The following ESS2 variants were observed in gnomAD, a reference collection of about 807,000 sequenced individuals.
ESS2 encodes the protein splicing factor ESS-2 homolog.
Under a neutral mutation model 52.0 loss-of-function variants are expected in ESS2, and 31 were observed. The ratio of observed to expected loss-of-function variants is 0.60; its 90% CI spans 0.45 to 0.81. The LOEUF (loss-of-function observed/expected upper bound fraction) is 0.81. Ranked by LOEUF, ESS2 falls within the 30% of genes least tolerant of loss-of-function variation. The probability of loss-of-function intolerance (pLI) is 0.00; values close to 1 mark genes in which losing one functional copy is unlikely to be tolerated. For synonymous variants in ESS2, 285 were observed against 259.2 expected (o/e 1.10, Z -0.95); for missense variants, 602 against 637.2 (o/e 0.94, Z 0.59).
intron 3 of ESS2, among the ~76,000 whole-genome samples, chr22:19,140,699 G>A (rs2083671594): frequency 6.6e-6 from 1 of 152,200 alleles, no homozygotes; most frequent in African/African-American, 2.4e-5. Context: ...GCCACCTGGA[G>A]AGCTCTGCCT....
Position 19,139,964 on chromosome 22 carries a change from C to G in ESS2, c.461G>C (p.Arg154Pro), listed in dbSNP as rs749669668. The change falls in exon 4 of 10, where the codon CGC (arginine) becomes CCC (proline). Residue 154 changes from arginine (R) to proline (P), a missense_variant. Physicochemically the swap from Arg to Pro is moderately radical, Grantham distance 103 (BLOSUM62 -2). Coordinates refer to ENST00000252137, the MANE Select transcript of ESS2 (RefSeq NM_022719.3). Reference protein sequence around the residue: ...PLPSLDVFLSRYTSEDNASFQ... With the variant: ...PLPSLDVFLSPYTSEDNASFQ... The stretch of plus-strand genomic sequence containing the variant: ...GGAGGCATTGTCCTCACTCGTGTAG[C>G]GGCTCAGGAAGACATCTAGGCTGGG... The G allele has an allele frequency of 6.2e-7, 1 of 1,613,996 alleles. No individual in the cohort carries two copies. Among genetic ancestry groups the G allele is most frequent in the East Asian group, 2.2e-5 (1 of 44,892 alleles).
In ESS2 at chr22:19,144,502, G is replaced by C; in HGVS notation, c.135+4C>G. On this transcript the variant is annotated splice_donor_region_variant and intron_variant, in intron 1 of 9. Coordinates refer to ENST00000252137, the MANE Select transcript of ESS2 (RefSeq NM_022719.3). ...AGTCGCCGGCGTCCGCACCGAGGTCGTACCTCGATATACTCTTCCTCGTCC... is the reference window on the plus strand; with the variant it reads ...AGTCGCCGGCGTCCGCACCGAGGTCCTACCTCGATATACTCTTCCTCGTCC... 1.9e-6 allele frequency: 3 copies of C among 1,610,990 alleles called. No homozygotes were observed. The highest frequency in any genetic ancestry group is 2.2e-5 in the South Asian group (2 of 91,020).
chr22:19,142,463 C>T, intron 3 of ESS2, 75 bp downstream of exon 3: 2 of 1,373,628 alleles, frequency 1.5e-6, no homozygotes, highest in Non-Finnish European at 2.0e-6. Flanking sequence ...CTCTGGACCA[C>T]CCCCTCAGGG....
At chr22:19,139,463 T>C in intron 5 of ESS2, 149 bp downstream of exon 5, 1 of 1,201,576 alleles carries the variant, frequency 8.3e-7, no homozygotes, top group Non-Finnish European at 1.2e-6. Flanking sequence ...CACACAGACC[T>C]GTCCACCCTT....
intron 8 of ESS2, among the ~76,000 whole-genome samples, 193 bp from the exon 9 acceptor site, chr22:19,135,368 T>C (rs2083563988): frequency 6.6e-6 from 1 of 152,220 alleles, no homozygotes; most frequent in South Asian, 2.1e-4. Flanking sequence ...GCAGCACTCC[T>C]CACCTGTCTT....
intron 1 of ESS2, chr22:19,143,908 A>C: frequency 6.3e-6 from 2 of 318,266 alleles, no homozygotes; most frequent in Non-Finnish European, 9.1e-6. Flanking sequence ...TCAGCCAGTC[A>C]CTACCACAAG....
rs115188828 is a variant in ESS2 at position 19,130,489 on chromosome 22, C to T, written c.*3707G>A. On this transcript the variant is annotated 3_prime_UTR_variant, in exon 10 of 10. Coordinates refer to ENST00000252137, the MANE Select transcript of ESS2 (RefSeq NM_022719.3). ...AGGCAAAAAAAATGCTTGCTAAGTC[C>T]GATTAAAAGGGGCCCAGTGCCTTCA... 30 of 323,934 alleles carry T rather than the reference C, an allele frequency of 9.3e-5. No individual in the cohort carries two copies. Among genetic ancestry groups the T allele is most frequent in the Non-Finnish European group, 1.4e-4 (23 of 169,422 alleles). The allele number at this position is 323,934 out of a possible 1,614,324, so 20.1% of individuals were successfully genotyped here. A position where few individuals can be genotyped will look rare whatever the true frequency, so the allele number is the denominator to read the frequency against.
chr22:19,137,715 C>A (rs1329757034), intron 7 of ESS2: 1 of 984,494 alleles, frequency 1.0e-6, no homozygotes, highest in Non-Finnish European at 1.2e-6. Context: ...GACACTCAGG[C>A]CTTCCAGGGC....
intron 7 of ESS2, chr22:19,137,936 A>AC (rs2083612485): frequency 1.0e-6 from 1 of 985,142 alleles, no homozygotes; most frequent in Non-Finnish European, 1.2e-6. Context: ...CTGTGCACAC[A>AC]CCCCCACCCA....
intron 3 of ESS2, among the ~76,000 whole-genome samples, chr22:19,142,269 G>T (rs74522356): frequency 6.6e-6 from 1 of 152,216 alleles, no homozygotes. Flanking sequence ...CATCCATGAA[G>T]CCCACAGGGC....
In ESS2 at chr22:19,131,325, T is replaced by C. The variant is rs1194043038; in HGVS notation, c.*2871A>G. The stretch of plus-strand genomic sequence containing the variant: ...GCCCAGCCAGACGCCTCCGGTAGTG[T>C]AAATGAGGACAATGCCTGCTGGCCC... On this transcript the variant is annotated 3_prime_UTR_variant, in exon 10 of 10. Coordinates refer to ENST00000252137, the MANE Select transcript of ESS2 (RefSeq NM_022719.3). This position sits in a 1 kb window ranked among gnomAD's most constrained non-coding sequence, Gnocchi z 5.7. 7.3e-7 allele frequency: 1 copy of C among 1,368,192 alleles called. No homozygotes were observed. 84.8% of individuals were successfully genotyped at this position (1,368,192 alleles called of 1,614,324 possible).
chr22:19,136,066 A>G (rs79906307), intron 8 of ESS2, among the ~76,000 whole-genome samples: 4,669 of 146,600 alleles, frequency 0.032, 161 homozygotes, highest in East Asian at 0.064. Flanking sequence ...GAGGCGAGGC[A>G]CAGTGGCTCA....
intron 7 of ESS2, chr22:19,137,833 C>G (rs971439056): frequency 4.1e-6 from 4 of 985,420 alleles, no homozygotes; most frequent in Non-Finnish European, 4.8e-6. Flanking sequence ...CAGAGGGACA[C>G]CCACGCATGC....
At chr22:19,144,171 C>A in intron 1 of ESS2, 1 of 1,096,680 alleles carries the variant, frequency 9.1e-7, no homozygotes, top group Non-Finnish European at 1.1e-6. Context: ...CCCCAGCATT[C>A]ACACTTGCTG....
chr22:19,137,536 G>T, intron 7 of ESS2, 104 bp from the exon 8 acceptor site: 1 of 994,342 alleles, frequency 1.0e-6, no homozygotes, highest in Non-Finnish European at 1.5e-6. Flanking sequence ...CTAATACGAA[G>T]GCAGGCAGCT....
chr22:19,144,453 C>A, intron 1 of ESS2, 53 bp downstream of exon 1: 3 of 1,609,294 alleles, frequency 1.9e-6, no homozygotes, highest in Non-Finnish European at 2.5e-6. Flanking sequence ...CTGAGAGGAG[C>A]TTGAAGCAGA....
In ESS2 at chr22:19,131,555, T is replaced by C; in HGVS notation, c.*2641A>G. On this transcript the variant is annotated 3_prime_UTR_variant, in exon 10 of 10. Coordinates refer to ENST00000252137, the MANE Select transcript of ESS2 (RefSeq NM_022719.3). The surrounding 1 kb of genome is among the most constrained non-coding windows in gnomAD (Gnocchi z 5.7). ...ACCGCAAGAAAACACCTACTGACTTTGTGGAGAGATTCCTTCCTCGGGAGA... is the reference window on the plus strand; with the variant it reads ...ACCGCAAGAAAACACCTACTGACTTCGTGGAGAGATTCCTTCCTCGGGAGA... 6.2e-7 allele frequency: 1 copy of C among 1,614,140 alleles called. No individual in the cohort carries two copies. Among genetic ancestry groups the C allele is most frequent in the Middle Eastern group, 1.6e-4 (1 of 6,062 alleles).
At chr22:19,139,562 C>G (rs766923410) in intron 5 of ESS2, 50 bp downstream of exon 5, 1 of 1,551,698 alleles carries the variant, frequency 6.4e-7, no homozygotes, top group East Asian at 2.2e-5. Flanking sequence ...GCCAGACACA[C>G]ACAGCTCTAC....
intron 1 of ESS2, 77 bp from the exon 2 acceptor site, chr22:19,142,971 C>A: frequency 7.1e-7 from 1 of 1,404,220 alleles, no homozygotes. Context: ...CTTTGGGAGG[C>A]CAAGGGAGGT....
Sources: gnomAD v4.1 joint callset for allele counts (sites outside exome capture counted in the v4.1 genomes callset) on GRCh38, gnomAD v4.1.1 for gene constraint, Gnocchi (gnomAD v3.1) non-coding constraint, MANE v1.5 for transcripts, NCBI Gene and HGNC (gene_info 2026-07-23, HGNC 2026-07-21) for gene names.